Variants in STRN3 observed in about 807,000 individuals in gnomAD.
STRN3 encodes the protein striatin 3, also known as striatin-3.
A neutral mutation model predicts 95.6 loss-of-function variants in STRN3; 29 were observed. The observed-to-expected ratio is 0.30, with a 90% CI of 0.23 to 0.41. The LOEUF is 0.41. Ranked by LOEUF, STRN3 falls within the 10% of genes least tolerant of loss-of-function variation. STRN3 has a pLI of 1.00. For synonymous variants in STRN3, 331 were observed against 357.6 expected (o/e 0.93, Z 0.84); for missense variants, 890 against 972.1 (o/e 0.92, Z 1.12).
chr14:30,915,300 C>A (rs6571369), intron 9 of STRN3, among the ~76,000 whole-genome samples: 32,414 of 151,964 alleles, frequency 0.21, 3,914 homozygotes, highest in East Asian at 0.49. Flanking sequence ...AAATAAAATT[C>A]AACTGTACTT....
chr14:30,952,329 A>G (rs1215713258), intron 3 of STRN3, among the ~76,000 whole-genome samples: 2 of 152,136 alleles, frequency 1.3e-5, no homozygotes, highest in East Asian at 3.8e-4. Context: ...TGAGGCTCCT[A>G]GACTCCTCAA....
intron 12 of STRN3, 132 bp from the exon 13 acceptor site, chr14:30,911,294 A>ATTT: frequency 2.8e-6 from 2 of 718,666 alleles, no homozygotes; most frequent in Non-Finnish European, 4.0e-6. Context: ...CCTGACTGGT[A>ATTT]CTTTTTTTTT....
intron 5 of STRN3, among the ~76,000 whole-genome samples, chr14:30,940,604 T>C (rs114295112): frequency 1.6e-3 from 242 of 152,320 alleles, no homozygotes; most frequent in African/African-American, 5.7e-3. Context: ...TAATTTTTAG[T>C]GTTCATGATT....
At chr14:30,942,856 A>G (rs895514128) in intron 5 of STRN3, among the ~76,000 whole-genome samples, 5 of 152,238 alleles carry the variant, frequency 3.3e-5, no homozygotes, top group African/African-American at 1.2e-4. Context: ...ACTGTGTGTC[A>G]GGCATTGTTC....
intron 8 of STRN3, among the ~76,000 whole-genome samples, chr14:30,927,540 A>G (rs1386169133): frequency 6.6e-6 from 1 of 152,030 alleles, no homozygotes; most frequent in Non-Finnish European, 1.5e-5. Context: ...TTCAAAAGAA[A>G]TCTTCAGCAG....
intron 1 of STRN3, among the ~76,000 whole-genome samples, chr14:30,968,127 GAAT>G (rs924467835): frequency 1.3e-5 from 2 of 152,040 alleles, no homozygotes; most frequent in Admixed American, 1.3e-4. Flanking sequence ...TAATAGCAAA[GAAT>G]AATTGAAATA....
intron 1 of STRN3, among the ~76,000 whole-genome samples, chr14:30,962,790 C>T (rs1202195891): frequency 6.6e-6 from 1 of 152,154 alleles, no homozygotes; most frequent in African/African-American, 2.4e-5. Flanking sequence ...TCCTCAGCCT[C>T]CCAGAGTGCT....
At chr14:30,992,739 T>C (rs1566480254) in intron 1 of STRN3, among the ~76,000 whole-genome samples, 1 of 152,048 alleles carries the variant, frequency 6.6e-6, no homozygotes, top group Non-Finnish European at 1.5e-5. Flanking sequence ...ACTGGCCAGG[T>C]ACAGTGGCTC....
chr14:30,918,122 A>C (rs1321759793), intron 9 of STRN3, among the ~76,000 whole-genome samples: 1 of 152,192 alleles, frequency 6.6e-6, no homozygotes, highest in Non-Finnish European at 1.5e-5. Context: ...GGTAGCGTAT[A>C]CTTGCTACCA....
chr14:30,950,782 T>G, intron 4 of STRN3, 81 bp downstream of exon 4: 1 of 1,319,506 alleles, frequency 7.6e-7, no homozygotes, highest in South Asian at 1.3e-5. Flanking sequence ...CCCAATATGA[T>G]TTTTTACTTG....
chr14:30,940,680 G>A (rs998731255), intron 5 of STRN3, among the ~76,000 whole-genome samples: 1 of 152,024 alleles, frequency 6.6e-6, no homozygotes, highest in Non-Finnish European at 1.5e-5. Flanking sequence ...CTTTCAATCT[G>A]GAAACAAACA....
chr14:30,909,613 G>A (rs1258776521), intron 13 of STRN3, among the ~76,000 whole-genome samples: 1 of 152,096 alleles, frequency 6.6e-6, no homozygotes, highest in Non-Finnish European at 1.5e-5. Context: ...GAGTGTCTGG[G>A]ACTATAGGCA....
chr14:30,991,094 G>C (rs1881932117), intron 1 of STRN3, among the ~76,000 whole-genome samples: 1 of 152,162 alleles, frequency 6.6e-6, no homozygotes, highest in Admixed American at 6.5e-5. Context: ...TCAGAAACAG[G>C]CCAGCAGTAT....
chr14:30,992,078 TCAACAA>T (rs10667506), intron 1 of STRN3, among the ~76,000 whole-genome samples: 3 of 151,556 alleles, frequency 2.0e-5, no homozygotes, highest in South Asian at 2.1e-4. Context: ...TATGGAAAAC[TCAACAA>T]CAACAACAAC....
intron 3 of STRN3, among the ~76,000 whole-genome samples, chr14:30,952,874 T>A (rs1374457617): frequency 6.6e-6 from 1 of 152,170 alleles, no homozygotes; most frequent in Admixed American, 6.5e-5. Flanking sequence ...AAACAAGATA[T>A]ACGACTGCCC....
Position 30,982,192 on chromosome 14 carries a change from C to T in STRN3, c.283-25950G>A, listed in dbSNP as rs1881444804. Among the ~76,000 whole-genome samples the T allele has an allele frequency of 1.3e-5, 2 of 150,356 alleles. 1 individual carries two copies. The highest frequency in any genetic ancestry group is 4.2e-4 in the South Asian group (2 of 4,752). On this transcript the variant is annotated intron_variant, in intron 1 of 17. Coordinates refer to ENST00000357479, the MANE Select transcript of STRN3 (RefSeq NM_001083893.2). ...AAGCAAATAAAACTTATCTCTTCTA[C>T]TTATAATAGATCCTAAAATAAGGTT...
intron 1 of STRN3, among the ~76,000 whole-genome samples, chr14:31,021,323 G>A (rs1048859792): frequency 3.3e-5 from 5 of 152,112 alleles, no homozygotes; most frequent in Non-Finnish European, 7.4e-5. Context: ...CAGTTCTACT[G>A]CCTCCTAGTT....
chr14:30,902,754 T>C (rs1046159227), intron 15 of STRN3, 111 bp from the exon 16 acceptor site: 16 of 708,330 alleles, frequency 2.3e-5, no homozygotes, highest in Non-Finnish European at 3.7e-5. Context: ...CTAAACCTTT[T>C]GCATAAAACA....
chr14:30,898,718 C>T (rs147765615), intron 16 of STRN3, among the ~76,000 whole-genome samples: 1 of 152,278 alleles, frequency 6.6e-6, no homozygotes, highest in East Asian at 1.9e-4. Flanking sequence ...ATTTTGGCCT[C>T]GTGCTTCTGC....
Sources: gnomAD v4.1 joint callset for allele counts (sites outside exome capture counted in the v4.1 genomes callset) on GRCh38, gnomAD v4.1.1 for gene constraint, MANE v1.5 for transcripts, NCBI Gene and HGNC (gene_info 2026-07-23, HGNC 2026-07-21) for gene names.